EPOP: variants seen among roughly 807,000 people sequenced by gnomAD.
EPOP encodes elongin BC and Polycomb repressive complex 2-associated protein.
A neutral mutation model predicts 18.2 loss-of-function variants in EPOP; 14 were observed. The ratio of observed to expected loss-of-function variants is 0.77; its 90% CI spans 0.51 to 1.20. The LOEUF (loss-of-function observed/expected upper bound fraction) is 1.20, where lower values mean the gene tolerates loss of function less well. Among genes scored for constraint, EPOP ranks in the 50% most tolerant of loss-of-function variants. The probability of loss-of-function intolerance (pLI) is 0.00; values close to 1 mark genes in which losing one functional copy is unlikely to be tolerated. For synonymous variants in EPOP, 252 were observed against 274.9 expected (o/e 0.92, Z 0.83); for missense variants, 527 against 577.2 (o/e 0.91, Z 0.89).
chr17:38,674,091 T>C lies in EPOP; in HGVS notation c.405A>G (p.Ala135=). ...GFPHFGVRSC[A]PPGRCPAPPH... is the part of the protein sequence containing the mutation. ...GGGGCGCAGGGCAGCGGCCCGGAGG[T>C]GCACAGGAGCGAACGCCGAAGTGCG... The change falls in exon 1 of 1, where the codon GCA becomes GCG. Residue 135 remains alanine, a synonymous_variant. Coordinates refer to ENST00000621654, the MANE Select transcript of EPOP (RefSeq NM_001130677.2). This position sits in a 1 kb window ranked among gnomAD's most constrained non-coding sequence, Gnocchi z 4.5. 7.0e-7 allele frequency: 1 copy of C among 1,432,752 alleles called. No homozygotes were observed. Among genetic ancestry groups the C allele is most frequent in the Non-Finnish European group, 9.1e-7 (1 of 1,102,538 alleles). 88.8% of individuals were successfully genotyped at this position (1,432,752 alleles called of 1,614,324 possible). A position where few individuals can be genotyped will look rare whatever the true frequency, so the allele number is the denominator to read the frequency against.
Position 38,673,235 on chromosome 17 carries a change from C to A in EPOP, c.*121G>T. On this transcript the variant is annotated 3_prime_UTR_variant, in exon 1 of 1. Coordinates refer to ENST00000621654, the MANE Select transcript of EPOP (RefSeq NM_001130677.2). Reference sequence around the variant, plus strand: ...GAATGAAGATCACTGTTATTTAGGTCCCTCTGCCCACAGCTCCTAAAATGT... The same window carrying A: ...GAATGAAGATCACTGTTATTTAGGTACCTCTGCCCACAGCTCCTAAAATGT... 1 of 1,399,872 alleles carries A rather than the reference C, an allele frequency of 7.1e-7. No individual in the cohort carries two copies. The highest frequency in any genetic ancestry group is 9.3e-7 in the Non-Finnish European group (1 of 1,074,796). The allele number at this position is 1,399,872 out of a possible 1,614,324, so 86.7% of individuals were successfully genotyped here.
Position 38,673,024 on chromosome 17 carries a change from TG to T in EPOP, c.*331del, listed in dbSNP as rs952726403. The T allele has an allele frequency of 1.1e-4, 28 of 258,510 alleles. No homozygotes were observed. The highest frequency in any genetic ancestry group is 4.3e-4 in the South Asian group (3 of 6,962). 16.0% of individuals were successfully genotyped at this position (258,510 alleles called of 1,614,324 possible). On this transcript the variant is annotated 3_prime_UTR_variant, in exon 1 of 1. Transcript: ENST00000621654. ...TCTCTCTTCTCCCCTTTTTTTTGGG[TG>T]GGGGGGTGTCTTTGAGCGGTGGCCT... is the stretch of plus-strand genomic sequence containing the variant.
rs1911025180 is a variant in EPOP, at chr17:38,673,837, G to T, written c.659C>A (p.Pro220His). Reference protein sequence around the residue: ...EVDGNPPPAAPEAPAASPSTA... With the variant: ...EVDGNPPPAAHEAPAASPSTA... ...CGAGGGGCTGGCCGCTGGAGCCTCG[G>T]GGGCGGCCGGCGGGGGGTTTCCATC... is the stretch of plus-strand genomic sequence containing the variant. The change falls in exon 1 of 1, where the codon CCC becomes CAC. Residue 220 changes from proline (P) to histidine (H), a missense_variant. Coordinates refer to ENST00000621654, the MANE Select transcript of EPOP (RefSeq NM_001130677.2). 1 of 1,490,598 alleles carries T rather than the reference G, an allele frequency of 6.7e-7. No individual in the cohort carries two copies. The highest frequency in any genetic ancestry group is 1.5e-5 in the African/African-American group (1 of 68,284). 92.3% of individuals were successfully genotyped at this position (1,490,598 alleles called of 1,614,324 possible). A position where few individuals can be genotyped will look rare whatever the true frequency, so the allele number is the denominator to read the frequency against.
At position 38,673,287 on chromosome 17, in the gene EPOP, G is replaced by C. The variant is rs934489756; in HGVS notation, c.*69C>G. 2.8e-6 allele frequency: 4 copies of C among 1,442,950 alleles called. No homozygotes were observed. The African/African-American group carries it at 6.0e-5, about 21-fold the overall frequency. 89.4% of individuals were successfully genotyped at this position (1,442,950 alleles called of 1,614,324 possible). A position where few individuals can be genotyped will look rare whatever the true frequency, so the allele number is the denominator to read the frequency against. On this transcript the variant is annotated 3_prime_UTR_variant, in exon 1 of 1. Coordinates refer to ENST00000621654, the MANE Select transcript of EPOP (RefSeq NM_001130677.2). ...AAGGAAGGGGACAAATGTGAGAAAC[G>C]GGGCTCCCTCCTCAAGCCCGCGGTT...
At position 38,674,463 on chromosome 17, in the gene EPOP, T is replaced by C. The variant is rs1218841252; in HGVS notation, c.33A>G (p.Ala11=). METLCPAPRL[A]VPASPRGSPC... Reference sequence around the variant, plus strand: ...GCGACCCTCGCGGGGACGCCGGCACTGCCAGGCGGGGCGCAGGGCACAGGG... The same window carrying C: ...GCGACCCTCGCGGGGACGCCGGCACCGCCAGGCGGGGCGCAGGGCACAGGG... The change falls in exon 1 of 1, where the codon GCA becomes GCG. Residue 11 remains alanine, a synonymous_variant. Transcript: ENST00000621654. The surrounding 1 kb of genome is among the most constrained non-coding windows in gnomAD (Gnocchi z 4.5). The C allele has an allele frequency of 1.3e-6, 2 of 1,536,316 alleles. No individual in the cohort carries two copies. Among genetic ancestry groups the C allele is most frequent in the African/African-American group, 2.8e-5 (2 of 72,234 alleles).
rs1208285952 is a variant in EPOP at position 38,671,840 on chromosome 17, C to T, written c.*1516G>A. 1.3e-5 allele frequency: 2 copies of T among 152,172 alleles called. No individual in the cohort carries two copies. Among genetic ancestry groups the T allele is most frequent in the African/African-American group, 2.4e-5 (1 of 41,442 alleles). 9.4% of individuals were successfully genotyped at this position (152,172 alleles called of 1,614,324 possible). ...CTTCCCCAGCGTGGGAATTGTTCCT[C>T]TCGCACCTCGTTTTCGGGGGAAGAG... On this transcript the variant is annotated 3_prime_UTR_variant, in exon 1 of 1. Transcript: ENST00000621654.
At position 38,671,732 on chromosome 17, in the gene EPOP, C is replaced by G. The variant is rs967565856; in HGVS notation, c.*1624G>C. On this transcript the variant is annotated 3_prime_UTR_variant, in exon 1 of 1. Transcript: ENST00000621654. ...TAAAACAAACAAAACTTTTATGGTCCAAAACAGTTTTTCTCAAGAATCTGC... is the reference window on the plus strand; with the variant it reads ...TAAAACAAACAAAACTTTTATGGTCGAAAACAGTTTTTCTCAAGAATCTGC... The G allele has an allele frequency of 1.4e-5, 2 of 145,484 alleles. No individual in the cohort carries two copies. The highest frequency in any genetic ancestry group is 3.0e-5 in the Non-Finnish European group (2 of 66,948). 9.0% of individuals were successfully genotyped at this position (145,484 alleles called of 1,614,324 possible). A position where few individuals can be genotyped will look rare whatever the true frequency, so the allele number is the denominator to read the frequency against.
Position 38,674,574 on chromosome 17 carries a change from G to A in EPOP, c.-79C>T, listed in dbSNP as rs1238378785. 1 of 1,360,034 alleles carries A rather than the reference G, an allele frequency of 7.4e-7. No homozygotes were observed. The highest frequency in any genetic ancestry group is 1.5e-5 in the African/African-American group (1 of 65,268). 84.2% of individuals were successfully genotyped at this position (1,360,034 alleles called of 1,614,324 possible). ...CCCTGGCTGCCCGAAGAGCCCACGGGTGAGGGGAACATCGCCCCCCGTCGA... is the reference window on the plus strand; with the variant it reads ...CCCTGGCTGCCCGAAGAGCCCACGGATGAGGGGAACATCGCCCCCCGTCGA... On this transcript the variant is annotated 5_prime_UTR_variant, in exon 1 of 1. Coordinates refer to ENST00000621654, the MANE Select transcript of EPOP (RefSeq NM_001130677.2). This position sits in a 1 kb window ranked among gnomAD's most constrained non-coding sequence, Gnocchi z 4.5.
In EPOP at chr17:38,674,474, G is replaced by A. The variant is rs76756126; in HGVS notation, c.22C>T (p.Pro8Ser). The A allele has an allele frequency of 0.052, 79,768 of 1,536,232 alleles. 2,752 individuals carry two copies. Among genetic ancestry groups the A allele is most frequent in the South Asian group, 0.14 (11,613 of 83,514 alleles). Residue 8 changes from proline to serine, a missense_variant, in exon 1 of 1, where the codon CCC (proline) becomes TCC (serine). Transcript: ENST00000621654. This position sits in a 1 kb window ranked among gnomAD's most constrained non-coding sequence, Gnocchi z 4.5. ...GGGGACGCCGGCACTGCCAGGCGGG[G>A]CGCAGGGCACAGGGTCTCCATGGAG... METLCPA[P>S]RLAVPASPRG...
At position 38,674,206 on chromosome 17, in the gene EPOP, G is replaced by T. The variant is rs111565436; in HGVS notation, c.290C>A (p.Pro97His). ...GCCGGCGGCGGTGTTAGGAACGCCG[G>T]GCCGCCCGGTCGGTGCCCAGAGGTG... ...LKHLWAPTGRPGVPNTAAGED... is the reference protein window; with the variant it reads ...LKHLWAPTGRHGVPNTAAGED... Residue 97 changes from proline (P) to histidine (H), a missense_variant, in exon 1 of 1, where the codon CCC (proline) becomes CAC (histidine). Pro to His is a moderately conservative substitution (Grantham distance 77). Coordinates refer to ENST00000621654, the MANE Select transcript of EPOP (RefSeq NM_001130677.2). The surrounding 1 kb of genome is among the most constrained non-coding windows in gnomAD (Gnocchi z 4.5). 7.1e-7 allele frequency: 1 copy of T among 1,414,022 alleles called. No homozygotes were observed. Among genetic ancestry groups the T allele is most frequent in the African/African-American group, 1.5e-5 (1 of 66,000 alleles). 87.6% of individuals were successfully genotyped at this position (1,414,022 alleles called of 1,614,324 possible).
At position 38,674,367 on chromosome 17, in the gene EPOP, G is replaced by T. The variant is rs1161093546; in HGVS notation, c.129C>A (p.Leu43=). ...QEFSPLCLRA[L]AFCALAKPRA... ...GGGGCTTGGCAAGGGCGCAGAAGGC[G>T]AGGGCACGCAGGCACAGCGGAGAGA... Residue 43 remains leucine, a synonymous_variant, in exon 1 of 1, where the codon CTC becomes CTA. Coordinates refer to ENST00000621654, the MANE Select transcript of EPOP (RefSeq NM_001130677.2). This position sits in a 1 kb window ranked among gnomAD's most constrained non-coding sequence, Gnocchi z 4.5. 13 of 1,543,022 alleles carry T rather than the reference G, an allele frequency of 8.4e-6. No homozygotes were observed. The Admixed American group carries it at 2.4e-4, about 28-fold the overall frequency.
chr17:38,674,336 A>G lies in EPOP; in HGVS notation c.160T>C (p.Ser54Pro), dbSNP rs1278669140. Residue 54 changes from serine to proline, a missense_variant, in exon 1 of 1, where the codon TCC (serine) becomes CCC (proline). Physicochemically the swap from Ser to Pro is moderately conservative, Grantham distance 74. Transcript: ENST00000621654. The surrounding 1 kb of genome is among the most constrained non-coding windows in gnomAD (Gnocchi z 4.5). ...AFCALAKPRA[S>P]SLGPGPGELA... The stretch of plus-strand genomic sequence containing the variant: ...TCCCCAGGCCCCGGGCCCAGAGAGG[A>G]CGCCCGGGGCTTGGCAAGGGCGCAG... The G allele has an allele frequency of 6.5e-7, 1 of 1,537,876 alleles. No individual in the cohort carries two copies. Among genetic ancestry groups the G allele is most frequent in the South Asian group, 1.2e-5 (1 of 83,542 alleles).
Position 38,673,531 on chromosome 17 carries a change from G to A in EPOP, c.965C>T (p.Pro322Leu). 3 of 1,517,392 alleles carry A rather than the reference G, an allele frequency of 2.0e-6. No homozygotes were observed. Among genetic ancestry groups the A allele is most frequent in the Non-Finnish European group, 2.7e-6 (3 of 1,131,598 alleles). 94.0% of individuals were successfully genotyped at this position (1,517,392 alleles called of 1,614,324 possible). ...TFSLLNCFPCPPALVVGEDGD... is the reference protein window; with the variant it reads ...TFSLLNCFPCLPALVVGEDGD... ...GTCTTCCCCCACCACCAGGGCCGGG[G>A]GGCAGGGGAAGCAGTTGAGGAGGCT... Residue 322 changes from proline to leucine, a missense_variant, in exon 1 of 1, where the codon CCC (proline) becomes CTC (leucine). Physicochemically the swap from Pro to Leu is moderately conservative, Grantham distance 98. Transcript: ENST00000621654.
rs986974471 is a variant in EPOP, at chr17:38,673,647, T to C, written c.849A>G (p.Gly283=). The C allele has an allele frequency of 6.6e-7, 1 of 1,525,120 alleles. No individual in the cohort carries two copies. Among genetic ancestry groups the C allele is most frequent in the Non-Finnish European group, 8.8e-7 (1 of 1,136,902 alleles). 94.5% of individuals were successfully genotyped at this position (1,525,120 alleles called of 1,614,324 possible). A position where few individuals can be genotyped will look rare whatever the true frequency, so the allele number is the denominator to read the frequency against. ...CCGGCAGCCGGCGTTTCTTGGCGGC[T>C]CCCCGAGCCGGCCCTTTCGCAGGCG... The part of the protein sequence containing the change: ...ERPPAKGPAR[G]AAKKRRLPAP... Residue 283 remains glycine, a synonymous_variant, in exon 1 of 1, where the codon GGA becomes GGG. Coordinates refer to ENST00000621654, the MANE Select transcript of EPOP (RefSeq NM_001130677.2).
rs1391600125 is a variant in EPOP, at chr17:38,673,567, G to T, written c.929C>A (p.Thr310Lys). 4.1e-6 allele frequency: 6 copies of T among 1,479,058 alleles called. No individual in the cohort carries two copies. Among genetic ancestry groups the T allele is most frequent in the Non-Finnish European group, 4.5e-6 (5 of 1,115,798 alleles). The allele number at this position is 1,479,058 out of a possible 1,614,324, so 91.6% of individuals were successfully genotyped here. A position where few individuals can be genotyped will look rare whatever the true frequency, so the allele number is the denominator to read the frequency against. Reference protein sequence around the residue: ...PRRPAPTLPTTSTFSLLNCFP... With the variant: ...PRRPAPTLPTKSTFSLLNCFP... ...GCAGTTGAGGAGGCTGAAGGTGCTC[G>T]TGGTGGGGAGCGTCGGTGCAGGGCG... Residue 310 changes from threonine (T) to lysine (K), a missense_variant, in exon 1 of 1, where the codon ACG becomes AAG. Physicochemically the swap from Thr to Lys is moderately conservative, Grantham distance 78. Transcript: ENST00000621654.
At position 38,674,781 on chromosome 17, in the gene EPOP, T is replaced by G; in HGVS notation, c.-286A>C. 3.5e-6 allele frequency: 1 copy of G among 285,320 alleles called. No individual in the cohort carries two copies. The allele number at this position is 285,320 out of a possible 1,614,324, so 17.7% of individuals were successfully genotyped here. On this transcript the variant is annotated 5_prime_UTR_variant, in exon 1 of 1. Coordinates refer to ENST00000621654, the MANE Select transcript of EPOP (RefSeq NM_001130677.2). This position sits in a 1 kb window ranked among gnomAD's most constrained non-coding sequence, Gnocchi z 4.5. ...CCTTCGCAACCCCGGCGGGAGACCC[T>G]CTCGAGTCGCCCGAAGCGCAGAGGC...
At position 38,674,071 on chromosome 17, in the gene EPOP, G is replaced by T. The variant is rs1202423403; in HGVS notation, c.425C>A (p.Ala142Glu). The T allele has an allele frequency of 1.4e-6, 2 of 1,405,878 alleles. No individual in the cohort carries two copies. The highest frequency in any genetic ancestry group is 1.8e-6 in the Non-Finnish European group (2 of 1,089,000). 87.1% of individuals were successfully genotyped at this position (1,405,878 alleles called of 1,614,324 possible). ...CGTAGATTCCCGAGGGTGCGGGGGCGCAGGGCAGCGGCCCGGAGGTGCACA... is the reference window on the plus strand; with the variant it reads ...CGTAGATTCCCGAGGGTGCGGGGGCTCAGGGCAGCGGCCCGGAGGTGCACA... Reference protein sequence around the residue: ...RSCAPPGRCPAPPHPRESTTS... With the variant: ...RSCAPPGRCPEPPHPRESTTS... The change falls in exon 1 of 1, where the codon GCG becomes GAG. Residue 142 changes from alanine to glutamate, a missense_variant. Physicochemically the swap from Ala to Glu is moderately radical, Grantham distance 107. Coordinates refer to ENST00000621654, the MANE Select transcript of EPOP (RefSeq NM_001130677.2). This position sits in a 1 kb window ranked among gnomAD's most constrained non-coding sequence, Gnocchi z 4.5.
chr17:38,674,518 C>T lies in EPOP; in HGVS notation c.-23G>A. On this transcript the variant is annotated 5_prime_UTR_variant, in exon 1 of 1. In the 5' UTR this introduces an upstream ATG that the reference lacks. Transcript: ENST00000621654. The surrounding 1 kb of genome is among the most constrained non-coding windows in gnomAD (Gnocchi z 4.5). ...CATGGAGCAGCCTGAGGGGTGCCCA[C>T]TGAGCGGGTCCAGGTCCCAGCGGCG... is the stretch of plus-strand genomic sequence containing the variant. The T allele has an allele frequency of 6.7e-7, 1 of 1,497,202 alleles. No individual in the cohort carries two copies. The highest frequency in any genetic ancestry group is 8.9e-7 in the Non-Finnish European group (1 of 1,126,874). 92.7% of individuals were successfully genotyped at this position (1,497,202 alleles called of 1,614,324 possible).
Position 38,674,699 on chromosome 17 carries a change from G to T in EPOP, c.-204C>A. On this transcript the variant is annotated 5_prime_UTR_variant, in exon 1 of 1. Transcript: ENST00000621654. The surrounding 1 kb of genome is among the most constrained non-coding windows in gnomAD (Gnocchi z 4.5). ...CCTCACGCGGCCCTCCCGGCGGCCG[G>T]ACTCCTGGGTCCCTGTGAGTCCCGG... The T allele has an allele frequency of 2.2e-6, 1 of 465,098 alleles. No homozygotes were observed. Among genetic ancestry groups the T allele is most frequent in the African/African-American group, 2.0e-5 (1 of 49,018 alleles). 28.8% of individuals were successfully genotyped at this position (465,098 alleles called of 1,614,324 possible).
Sources: allele counts gnomAD v4.1 joint callset, GRCh38; gene constraint gnomAD v4.1.1; non-coding constraint Gnocchi (gnomAD v3.1); transcripts MANE v1.5; gene names NCBI Gene and HGNC (gene_info 2026-07-23, HGNC 2026-07-21).